HDAC6: variants seen among roughly 807,000 people sequenced by gnomAD.
HDAC6 encodes histone deacetylase 6.
In HDAC6, 5 loss-of-function variants were observed where a neutral mutation model predicts 88.9. That is an observed-to-expected ratio of 0.06 (90% CI 0.03 to 0.12). The LOEUF (loss-of-function observed/expected upper bound fraction) is 0.12. HDAC6 is among the 10% of genes least tolerant of loss of function. The pLI is 1.00. For synonymous variants in HDAC6, 378 were observed against 398.0 expected (o/e 0.95, Z 0.60); for missense variants, 706 against 1,014.4 (o/e 0.70, Z 4.13).
rs782178472 is a variant in HDAC6 at position 48,824,898 on chromosome X, G to C, written c.*286G>C. 2.3e-5 allele frequency: 25 copies of C among 1,097,698 alleles called. No homozygotes were observed. Among genetic ancestry groups the C allele is most frequent in the Admixed American group, 5.5e-5 (2 of 36,573 alleles). 90.5% of individuals were successfully genotyped at this position (1,097,698 alleles called of 1,213,427 possible). A position where few individuals can be genotyped will look rare whatever the true frequency, so the allele number is the denominator to read the frequency against. On this transcript the variant is annotated 3_prime_UTR_variant, in exon 29 of 29. Coordinates refer to ENST00000334136, the MANE Select transcript of HDAC6 (RefSeq NM_006044.4). ...CCCCAAGAGGGAGCTGATATCATGA[G>C]GATAACATTGGCGGGAGGGGAGTTA...
intron 6 of HDAC6, chrX:48,805,977 G>A (rs1296724460): frequency 2.5e-6 from 1 of 393,955 alleles, no homozygotes; most frequent in Admixed American, 4.6e-5. Flanking sequence ...GAGTGATCGG[G>A]GTTCCCCCAG....
At chrX:48,813,014 TCTC>T (rs1490512151) in intron 10 of HDAC6, among the ~76,000 whole-genome samples, 1 of 111,699 alleles carries the variant, frequency 9.0e-6, no homozygotes, top group Non-Finnish European at 1.9e-5. Context: ...TTCAAGCAAT[TCTC>T]CTACCTCCAC....
At chrX:48,807,369 C>T (rs1264553323) in intron 8 of HDAC6, among the ~76,000 whole-genome samples, 1 of 112,502 alleles carries the variant, frequency 8.9e-6, no homozygotes, top group African/African-American at 3.2e-5. Context: ...ATGCTAGTAC[C>T]TTTATAAAAA....
chrX:48,809,349 T>G (rs1569503044), intron 10 of HDAC6, among the ~76,000 whole-genome samples: 1 of 111,882 alleles, frequency 8.9e-6, no homozygotes, highest in Non-Finnish European at 1.9e-5. Context: ...GTATCCCTTA[T>G]ATGAAGTGCT....
intron 10 of HDAC6, among the ~76,000 whole-genome samples, chrX:48,809,853 A>C (rs1160964896): frequency 9.1e-6 from 1 of 110,483 alleles, no homozygotes; most frequent in Non-Finnish European, 1.9e-5. Flanking sequence ...TCAGATTTCT[A>C]GATTAGGGAT....
In HDAC6 at chrX:48,823,007, C is replaced by T; in HGVS notation, c.2608C>T (p.Arg870Ter). 1.7e-6 allele frequency: 2 copies of T among 1,211,013 alleles called. No individual in the cohort carries two copies. The highest frequency in any genetic ancestry group is 2.2e-6 in the Non-Finnish European group (2 of 895,150). ...TAGGTTAGCTGAGCGGATGACCACACGAGAAAAGAAGGTTCTGGAAGCAGG... is the reference window on the plus strand; with the variant it reads ...TAGGTTAGCTGAGCGGATGACCACATGAGAAAAGAAGGTTCTGGAAGCAGG... ...KPRLAERMTTREKKVLEAGMG... is the reference protein window; with the variant it reads ...KPRLAERMTT The change falls in exon 25 of 29, where the codon CGA (arginine) becomes TGA (stop). Residue 870 changes from arginine to a stop codon, truncating the protein, a stop_gained. Coordinates refer to ENST00000334136, the MANE Select transcript of HDAC6 (RefSeq NM_006044.4). LOFTEE classifies it high-confidence loss of function.
At chrX:48,807,047 A>G (rs1602241104) in intron 8 of HDAC6, 1 of 141,025 alleles carries the variant, frequency 7.1e-6, no homozygotes, top group African/African-American at 3.1e-5. Flanking sequence ...TTCCATTGGC[A>G]GTATTTTCTG....
At chrX:48,817,626 C>T (rs1015039323) in intron 20 of HDAC6, 167 bp downstream of exon 20, 2 of 462,043 alleles carry the variant, frequency 4.3e-6, no homozygotes, top group Admixed American at 4.1e-5. Context: ...GATGGAGCCT[C>T]TCAGTGCTTA....
chrX:48,811,840 T>G lies in HDAC6; in HGVS notation c.807-2600T>G, dbSNP rs1050411059. Among the ~76,000 whole-genome samples the G allele has an allele frequency of 2.7e-5, 3 of 112,212 alleles. No individual in the cohort carries two copies. In the South Asian group the frequency reaches 1.1e-3, roughly 41 times the overall value. On this transcript the variant is annotated intron_variant, in intron 10 of 28. Transcript: ENST00000334136. ...TCCGACGTTCTTTATTTTGTTCATT[T>G]CTGGCTTCTGGAATTTAATGCTTCA...
intron 16 of HDAC6, 99 bp from the exon 17 acceptor site, chrX:48,815,771 TGGGCCCTGGTTTCA>T: frequency 9.8e-7 from 1 of 1,019,667 alleles, no homozygotes; most frequent in African/African-American, 1.9e-5. Context: ...TCTCTCTCCC[TGGGCCCTGGTTTCA>T]GGCCTCCCAC....
intron 23 of HDAC6, among the ~76,000 whole-genome samples, chrX:48,820,872 C>G (rs782272771): frequency 1.8e-5 from 2 of 111,695 alleles, no homozygotes; most frequent in Admixed American, 1.9e-4. Flanking sequence ...GAGTCTCGCT[C>G]TGTCACCCAG....
chrX:48,814,371 T>G, intron 10 of HDAC6, 69 bp from the exon 11 acceptor site: 2 of 1,115,022 alleles, frequency 1.8e-6, no homozygotes, highest in Non-Finnish European at 2.4e-6. Flanking sequence ...AACTGGCAAC[T>G]GTTGGGTTGG....
In HDAC6 at chrX:48,818,010, G is replaced by A. The variant is rs782471250; in HGVS notation, c.1926-31G>A. ...AGCCCTCTTCCAGGGCGTGAGTATC[G>A]TCGGTTACTGAGGTGCTGTCTCCTC... is the stretch of plus-strand genomic sequence containing the variant. On this transcript the variant is annotated intron_variant, in intron 20 of 28. Coordinates refer to ENST00000334136, the MANE Select transcript of HDAC6 (RefSeq NM_006044.4). 7.4e-5 allele frequency: 86 copies of A among 1,159,583 alleles called. No individual in the cohort carries two copies. In the East Asian group the frequency reaches 8.0e-4, roughly 11 times the overall value.
chrX:48,814,282 A>C (rs781875709), intron 10 of HDAC6, 158 bp from the exon 11 acceptor site: 3 of 519,931 alleles, frequency 5.8e-6, no homozygotes, highest in Non-Finnish European at 6.3e-6. Flanking sequence ...GAATGGATTC[A>C]TGGATTAAAT....
chrX:48,821,570 T>G (rs1363740590), intron 23 of HDAC6, among the ~76,000 whole-genome samples: 1 of 99,351 alleles, frequency 1.0e-5, no homozygotes, highest in Admixed American at 1.1e-4. Flanking sequence ...TGGCGCTATC[T>G]CGGCTCACTG....
chrX:48,813,036 T>A (rs2062925638), intron 10 of HDAC6, among the ~76,000 whole-genome samples: 1 of 111,789 alleles, frequency 8.9e-6, no homozygotes, highest in Admixed American at 9.5e-5. Flanking sequence ...ACCTCCCAAG[T>A]AGCTAGGATT....
At chrX:48,802,056 G>A (rs782262355), upstream of HDAC6, 3 of 911,170 alleles carry the variant, frequency 3.3e-6, no homozygotes, top group Non-Finnish European at 4.1e-6. Flanking sequence ...GTCTGGGCAG[G>A]GGGTGGAGCT....
chrX:48,802,335 A>C, intron 1 of HDAC6, 193 bp downstream of exon 1: 1 of 879,466 alleles, frequency 1.1e-6, no homozygotes. Context: ...TTAGGAGAGT[A>C]GAAGGGGCGG....
In HDAC6 at chrX:48,815,657, G is replaced by A. The variant is rs782308787; in HGVS notation, c.1324+15G>A. 16 of 1,190,567 alleles carry A rather than the reference G, an allele frequency of 1.3e-5. No individual in the cohort carries two copies. Among genetic ancestry groups the A allele is most frequent in the East Asian group, 1.2e-4 (4 of 33,674 alleles). ...TGTGAGATCAAGTAGGAAGTGGGGT[G>A]TGGGCCTGGTGTGGGGTGGACGTGG... is the stretch of plus-strand genomic sequence containing the variant. On this transcript the variant is annotated intron_variant, in intron 16 of 28. Transcript: ENST00000334136.
Sources: allele counts gnomAD v4.1 joint callset (sites outside exome capture counted in the v4.1 genomes callset), GRCh38; gene constraint gnomAD v4.1.1; transcripts MANE v1.5; gene names NCBI Gene and HGNC (gene_info 2026-07-23, HGNC 2026-07-21).